Variants in DOC2B observed in about 807,000 individuals in gnomAD.
DOC2B encodes double C2 domain beta, also known as double C2-like domain-containing protein beta.
Under a neutral mutation model 28.9 loss-of-function variants are expected in DOC2B, and 21 were observed. That is an observed-to-expected ratio of 0.73 (90% CI 0.52 to 1.05). DOC2B has a LOEUF of 1.05. Ranked by LOEUF, DOC2B falls within the 50% of genes least tolerant of loss-of-function variation. The pLI is 0.00. For missense variants in DOC2B, 384 were observed against 421.1 expected (o/e 0.91, Z 0.77); for synonymous variants, 194 against 178.1 (o/e 1.09, Z -0.71).
At chr17:150,769 C>A (rs2040064045) in intron 6 of DOC2B, among the ~76,000 whole-genome samples, 1 of 152,204 alleles carries the variant, frequency 6.6e-6, no homozygotes, top group Non-Finnish European at 1.5e-5. Context: ...CAAACAACCA[C>A]ACGCCCTTCA....
At chr17:176,507 G>A (rs930310332) in intron 1 of DOC2B, among the ~76,000 whole-genome samples, 9 of 152,204 alleles carry the variant, frequency 5.9e-5, no homozygotes, top group South Asian at 2.1e-4. Context: ...AGGCACACAC[G>A]GGCCACTCTG....
intron 1 of DOC2B, among the ~76,000 whole-genome samples, chr17:173,787 G>T (rs186716994): frequency 6.6e-6 from 1 of 152,300 alleles, no homozygotes; most frequent in Admixed American, 6.5e-5. Context: ...CAACCAGCAG[G>T]TACGGGCTTA....
In DOC2B at chr17:148,190, T is replaced by C. The variant is rs1222807846; in HGVS notation, c.1085A>G (p.Lys362Arg). ...EVTVWDYDIG[K>R]SNDFIGGVVL... Reference sequence around the variant, plus strand: ...CCCCTTACCAATGAAATCGTTGGATTTTCCAATGTCGTAATCCCAAACGGT... The same window carrying C: ...CCCCTTACCAATGAAATCGTTGGATCTTCCAATGTCGTAATCCCAAACGGT... The change falls in exon 8 of 9, where the codon AAA becomes AGA. Residue 362 changes from lysine (K) to arginine (R), a missense_variant. Coordinates refer to ENST00000613549, the MANE Select transcript of DOC2B (RefSeq NM_003585.5). 5.0e-6 allele frequency: 2 copies of C among 398,478 alleles called. No individual in the cohort carries two copies. Among genetic ancestry groups the C allele is most frequent in the African/African-American group, 2.1e-5 (1 of 48,604 alleles). The allele number at this position is 398,478 out of a possible 1,614,324, so 24.7% of individuals were successfully genotyped here.
rs1411729215 is a variant in DOC2B at position 147,413 on chromosome 17, C to T, written c.*28G>A. 8 of 398,798 alleles carry T rather than the reference C, an allele frequency of 2.0e-5. No individual in the cohort carries two copies. Among genetic ancestry groups the T allele is most frequent in the South Asian group, 1.3e-4 (1 of 7,880 alleles). The allele number at this position is 398,798 out of a possible 1,614,324, so 24.7% of individuals were successfully genotyped here. On this transcript the variant is annotated 3_prime_UTR_variant, in exon 9 of 9. Transcript: ENST00000613549. ...GGCCGGCCGTGCTGGGCGCAGGTGG[C>T]GGCAGGGGTAGCAGTGGCGGGTGGG...
rs1232955631 is a variant in DOC2B, at chr17:181,169, C to T, written c.311G>A (p.Arg104Gln). 1 of 1,252,146 alleles carries T rather than the reference C, an allele frequency of 8.0e-7. No homozygotes were observed. Among genetic ancestry groups the T allele is most frequent in the Non-Finnish European group, 1.0e-6 (1 of 999,358 alleles). 77.6% of individuals were successfully genotyped at this position (1,252,146 alleles called of 1,614,324 possible). The change falls in exon 1 of 9, where the codon CGG becomes CAG. Residue 104 changes from arginine (R) to glutamine (Q), a missense_variant. Transcript: ENST00000613549. This position sits in a 1 kb window ranked among gnomAD's most constrained non-coding sequence, Gnocchi z 7.0. ...PGPSPGPSPA[R>Q]PPAKPPEDEP... Reference sequence around the variant, plus strand: ...GTCCTCCGGCGGCTTGGCTGGCGGCCGCGCGGGGCTGGGACCCGGGCTGGG... The same window carrying T: ...GTCCTCCGGCGGCTTGGCTGGCGGCTGCGCGGGGCTGGGACCCGGGCTGGG...
At chr17:148,377 G>A (rs1200890422) in intron 7 of DOC2B, 108 bp from the exon 8 acceptor site, 3 of 397,538 alleles carry the variant, frequency 7.5e-6, no homozygotes, top group South Asian at 1.3e-4. Context: ...GGTGATCAGT[G>A]CTCAGAGTGG....
rs1346337062 is a variant in DOC2B, at chr17:181,091, C to T, written c.373+16G>A. On this transcript the variant is annotated intron_variant, in intron 1 of 8. Coordinates refer to ENST00000613549, the MANE Select transcript of DOC2B (RefSeq NM_003585.5). This position sits in a 1 kb window ranked among gnomAD's most constrained non-coding sequence, Gnocchi z 7.0. Reference sequence around the variant, plus strand: ...GCCAGGGGAGGGGGCGCGAAGTCGGCGCGTGGGAAACTTACTGCAGTCGTC... The same window carrying T: ...GCCAGGGGAGGGGGCGCGAAGTCGGTGCGTGGGAAACTTACTGCAGTCGTC... 3 of 1,237,292 alleles carry T rather than the reference C, an allele frequency of 2.4e-6. No individual in the cohort carries two copies. The highest frequency in any genetic ancestry group is 3.1e-5 in the South Asian group (1 of 32,092). The allele number at this position is 1,237,292 out of a possible 1,614,324, so 76.6% of individuals were successfully genotyped here.
chr17:156,021 C>T (rs1465821207), intron 6 of DOC2B, 199 bp downstream of exon 6: 3 of 594,746 alleles, frequency 5.0e-6, no homozygotes, highest in Non-Finnish European at 8.6e-6. Context: ...GCTTCTCTGT[C>T]CCTCAGTTTC....
In DOC2B at chr17:147,158, G is replaced by A; in HGVS notation, c.*283C>T. 3.0e-6 allele frequency: 1 copy of A among 334,016 alleles called. No homozygotes were observed. Among genetic ancestry groups the A allele is most frequent in the Non-Finnish European group, 5.4e-6 (1 of 185,348 alleles). 20.7% of individuals were successfully genotyped at this position (334,016 alleles called of 1,614,324 possible). ...TAGAAGGGTCTTTGCTCCCAGATGG[G>A]CGTGTCCCCTTCCCCTGGGCAGGTG... On this transcript the variant is annotated 3_prime_UTR_variant, in exon 9 of 9. Transcript: ENST00000613549.
At chr17:155,783 T>A (rs1287314823) in intron 6 of DOC2B, among the ~76,000 whole-genome samples, 2 of 152,184 alleles carry the variant, frequency 1.3e-5, no homozygotes, top group Non-Finnish European at 2.9e-5. Flanking sequence ...GGTGGACTCT[T>A]ATCCGCATCT....
rs554593043 is a variant in DOC2B, at chr17:177,231, G to T, written c.373+3876C>A. Reference sequence around the variant, plus strand: ...ATCATCCCTGCTTCCCAGGAGCTTAGAGACGAGTGTTAAGATTTTTATAAA... The same window carrying T: ...ATCATCCCTGCTTCCCAGGAGCTTATAGACGAGTGTTAAGATTTTTATAAA... On this transcript the variant is annotated intron_variant, in intron 1 of 8. Coordinates refer to ENST00000613549, the MANE Select transcript of DOC2B (RefSeq NM_003585.5). Among the ~76,000 whole-genome samples the T allele has an allele frequency of 8.7e-4, 132 of 152,266 alleles. 1 individual carries two copies. The highest frequency in any genetic ancestry group is 3.1e-3 in the African/African-American group (129 of 41,550).
At chr17:173,283 G>A (rs1439595067) in intron 1 of DOC2B, among the ~76,000 whole-genome samples, 2 of 152,190 alleles carry the variant, frequency 1.3e-5, no homozygotes, top group Non-Finnish European at 2.9e-5. Context: ...CCTCCCCGGG[G>A]GCAATCACTC....
Position 142,891 on chromosome 17 carries a change from T to C in DOC2B, c.*4550A>G, listed in dbSNP as rs1467918587. On this transcript the variant is annotated 3_prime_UTR_variant, in exon 9 of 9. Transcript: ENST00000613549. The stretch of plus-strand genomic sequence containing the variant: ...AATTGATCAACATTTTCTAACAAGG[T>C]GGAATGAAAATATAAAGTGTGGGGA... 1 of 152,164 alleles carries C rather than the reference T, an allele frequency of 6.6e-6. No homozygotes were observed. The highest frequency in any genetic ancestry group is 1.5e-5 in the Non-Finnish European group (1 of 68,042). The allele number at this position is 152,164 out of a possible 1,614,324, so 9.4% of individuals were successfully genotyped here.
At chr17:162,602 C>T (rs1479181438) in intron 3 of DOC2B, among the ~76,000 whole-genome samples, 2 of 152,158 alleles carry the variant, frequency 1.3e-5, no homozygotes, top group Non-Finnish European at 2.9e-5. Context: ...GCAGCCTTGC[C>T]GACACCTTGA....
At chr17:148,801 T>G (rs1053380918) in intron 7 of DOC2B, among the ~76,000 whole-genome samples, 1 of 151,722 alleles carries the variant, frequency 6.6e-6, no homozygotes, top group South Asian at 2.1e-4. Flanking sequence ...GGCCCCAGGG[T>G]GTCTCGAGTC....
At chr17:179,338 C>A (rs1220134137) in intron 1 of DOC2B, among the ~76,000 whole-genome samples, 1 of 151,302 alleles carries the variant, frequency 6.6e-6, no homozygotes, top group East Asian at 1.9e-4. Context: ...GGAGATGGGG[C>A]TGGCTGGCCT....
chr17:181,130 T>C lies in DOC2B; in HGVS notation c.350A>G (p.Asp117Gly). 8.0e-7 allele frequency: 1 copy of C among 1,253,118 alleles called. No individual in the cohort carries two copies. The allele number at this position is 1,253,118 out of a possible 1,614,324, so 77.6% of individuals were successfully genotyped here. A position where few individuals can be genotyped will look rare whatever the true frequency, so the allele number is the denominator to read the frequency against. Residue 117 changes from aspartate (D) to glycine (G), a missense_variant, in exon 1 of 9, where the codon GAC becomes GGC. By Grantham distance (94) the Asp-to-Gly change is moderately conservative. Coordinates refer to ENST00000613549, the MANE Select transcript of DOC2B (RefSeq NM_003585.5). This position sits in a 1 kb window ranked among gnomAD's most constrained non-coding sequence, Gnocchi z 7.0. The part of the protein sequence containing the change: ...AKPPEDEPDA[D>G]GYESDDCTAL... ...ACTGCAGTCGTCCGACTCGTAGCCG[T>C]CGGCGTCCGGCTCGTCCTCCGGCGG...
chr17:165,249 C>G (rs1555523756), intron 2 of DOC2B, among the ~76,000 whole-genome samples: 1 of 152,072 alleles, frequency 6.6e-6, no homozygotes, highest in East Asian at 1.9e-4. Flanking sequence ...TGGCTCACGC[C>G]TGTAATCCCA....
At chr17:165,685 G>A (rs931010838) in intron 2 of DOC2B, among the ~76,000 whole-genome samples, 1 of 152,060 alleles carries the variant, frequency 6.6e-6, no homozygotes, top group Non-Finnish European at 1.5e-5. Context: ...GCACTGTGGG[G>A]CTGCCTCTGG....
Sources: gnomAD v4.1 joint callset for allele counts (sites outside exome capture counted in the v4.1 genomes callset) on GRCh38, gnomAD v4.1.1 for gene constraint, Gnocchi (gnomAD v3.1) non-coding constraint, MANE v1.5 for transcripts, NCBI Gene and HGNC (gene_info 2026-07-23, HGNC 2026-07-21) for gene names.